Variants in KARS1 observed in about 807,000 individuals in gnomAD.
KARS1 encodes lysine--tRNA ligase.
Under a neutral mutation model 63.9 loss-of-function variants are expected in KARS1, and 50 were observed. That is an observed-to-expected ratio of 0.78 (90% CI 0.62 to 0.99). The LOEUF (loss-of-function observed/expected upper bound fraction) is 0.99, where lower values mean the gene tolerates loss of function less well. Among genes scored for constraint, KARS1 ranks in the 50% least tolerant of loss-of-function variants. The probability of loss-of-function intolerance (pLI) is 0.00; values close to 1 mark genes in which losing one functional copy is unlikely to be tolerated. For missense variants in KARS1, 816 were observed against 754.5 expected (o/e 1.08, Z -0.95); for synonymous variants, 320 against 264.6 (o/e 1.21, Z -2.03).
Position 75,647,600 on chromosome 16 carries a change from T to G in KARS1, c.40A>C (p.Ser14Arg), listed in dbSNP as rs1567507412. 5 of 1,613,316 alleles carry G rather than the reference T, an allele frequency of 3.1e-6. No individual in the cohort carries two copies. ...CACTTCTTGCTCAGTTTCGGCTCGC[T>G]GCCATCCACTTTCACCTCGGCCGCC... ...VQAAEVKVDG[S>R]EPKLSKNELK... The change falls in exon 1 of 14, where the codon AGC becomes CGC. Residue 14 changes from serine (S) to arginine (R), a missense_variant. Physicochemically the swap from Ser to Arg is moderately radical, Grantham distance 110 (BLOSUM62 -1). Coordinates refer to ENST00000302445, the MANE Select transcript of KARS1 (RefSeq NM_005548.3).
chr16:75,644,565 C>A, intron 1 of KARS1: 1 of 711,266 alleles, frequency 1.4e-6, no homozygotes, highest in South Asian at 2.2e-5. Flanking sequence ...CTTCTACTAC[C>A]TTTTAGTCCC....
chr16:75,640,036 G>A, intron 3 of KARS1, 148 bp downstream of exon 3: 1 of 712,520 alleles, frequency 1.4e-6, no homozygotes, highest in Non-Finnish European at 2.5e-6. Context: ...GCTTCTTTCT[G>A]TATAGATATA....
At chr16:75,642,818 A>C (rs1390991263) in intron 1 of KARS1, 1 of 152,226 alleles carries the variant, frequency 6.6e-6, no homozygotes, top group East Asian at 1.9e-4. Flanking sequence ...GACTTGGACG[A>C]GTGAATTAAC....
At chr16:75,629,173 G>A (rs1597162257) in intron 12 of KARS1, among the ~76,000 whole-genome samples, 1 of 152,168 alleles carries the variant, frequency 6.6e-6, no homozygotes, top group Admixed American at 6.5e-5. Flanking sequence ...TGCTTGGCAA[G>A]TGTATTTTCA....
rs1305862689 is a variant in KARS1, at chr16:75,628,566, T to G, written c.1695+3A>C. The G allele has an allele frequency of 6.2e-7, 1 of 1,613,606 alleles. No homozygotes were observed. The highest frequency in any genetic ancestry group is 2.2e-5 in the East Asian group (1 of 44,884). ...GTGTGCTCTGTGGAGGGTTGCTACG[T>G]ACCTTGATGTTGTTGGAGTCCGTGA... On this transcript the variant is annotated splice_donor_region_variant and intron_variant, in intron 13 of 13. Coordinates refer to ENST00000302445, the MANE Select transcript of KARS1 (RefSeq NM_005548.3).
intron 3 of KARS1, among the ~76,000 whole-genome samples, chr16:75,637,132 T>G (rs1028889676): frequency 6.6e-6 from 1 of 152,128 alleles, no homozygotes; most frequent in Non-Finnish European, 1.5e-5. Flanking sequence ...GGTAGCAGCA[T>G]AGTTTTTGGA....
At chr16:75,628,943 GA>G (rs1161624290) in intron 12 of KARS1, 3 of 574,042 alleles carry the variant, frequency 5.2e-6, no homozygotes, top group African/African-American at 3.8e-5. Context: ...AAATTTCTCT[GA>G]AAGAAAACCC....
In KARS1 at chr16:75,629,543, T is replaced by C; in HGVS notation, c.1425-2A>G. Reference sequence around the variant, plus strand: ...GTCAGACCCTCTTTAGAGCGGTGCCTAGGGACAGGAGACCAAAGAGGAGGC... The same window carrying C: ...GTCAGACCCTCTTTAGAGCGGTGCCCAGGGACAGGAGACCAAAGAGGAGGC... On this transcript the variant is annotated splice_acceptor_variant, in intron 11 of 13. Coordinates refer to ENST00000302445, the MANE Select transcript of KARS1 (RefSeq NM_005548.3). LOFTEE classifies it high-confidence loss of function. 1 of 1,614,040 alleles carries C rather than the reference T, an allele frequency of 6.2e-7. No individual in the cohort carries two copies. Among genetic ancestry groups the C allele is most frequent in the Non-Finnish European group, 8.5e-7 (1 of 1,179,930 alleles).
Position 75,628,613 on chromosome 16 carries a change from T to A in KARS1, c.1651A>T (p.Ile551Phe). 1 of 1,614,176 alleles carries A rather than the reference T, an allele frequency of 6.2e-7. No individual in the cohort carries two copies. ...LPPTAGWGMG[I>F]DRVAMFLTDS... ...GTGAGAAACATGGCGACTCGATCAA[T>A]GCCCATGCCCCAGCCAGCTGTGGGG... Residue 551 changes from isoleucine (I) to phenylalanine (F), a missense_variant, in exon 13 of 14, where the codon ATT becomes TTT. Physicochemically the swap from Ile to Phe is conservative, Grantham distance 21 (BLOSUM62 0). Coordinates refer to ENST00000302445, the MANE Select transcript of KARS1 (RefSeq NM_005548.3).
At position 75,643,417 on chromosome 16, in the gene KARS1, GC is replaced by G. The variant is rs1288385839; in HGVS notation, c.63-1695del. On this transcript the variant is annotated intron_variant, in intron 1 of 13. Transcript: ENST00000302445. Reference sequence around the variant, plus strand: ...TTTTGAGACAGAGTCTCGCTGTGTTGCCCAGGCTGGAGTGCAGTGGTGCGAT... The same window carrying G: ...TTTTGAGACAGAGTCTCGCTGTGTTGCCAGGCTGGAGTGCAGTGGTGCGAT... Among the ~76,000 whole-genome samples the G allele has an allele frequency of 6.3e-5, 9 of 142,790 alleles. No individual in the cohort carries two copies. The South Asian group carries it at 1.8e-3, about 28-fold the overall frequency. 93.7% of individuals were successfully genotyped at this position (142,790 alleles called of 152,430 possible).
intron 3 of KARS1, 124 bp downstream of exon 3, chr16:75,640,060 T>C: frequency 2.5e-6 from 2 of 803,202 alleles, no homozygotes; most frequent in South Asian, 2.7e-5. Context: ...GCACTGTCCT[T>C]AGTAAAGTAG....
At chr16:75,630,244 G>A (rs1375584275) in intron 11 of KARS1, among the ~76,000 whole-genome samples, 179 bp downstream of exon 11, 3 of 152,184 alleles carry the variant, frequency 2.0e-5, no homozygotes, top group African/African-American at 4.8e-5. Flanking sequence ...GAGTGACCAC[G>A]TGGAGGAGAA....
In KARS1 at chr16:75,631,742, GGCCAT is replaced by G. The variant is rs1397881324; in HGVS notation, c.1024_1028del (p.Met342LeufsTer43). 1 of 1,614,172 alleles carries G rather than the reference GGCCAT, an allele frequency of 6.2e-7. No homozygotes were observed. ...CCATGAGATCGTGATAGTCTGCATA[GGCCAT>G]GTAGAACTCACAGGTGGTGAACTCA... On this transcript the variant is annotated frameshift_variant, in exon 8 of 14. Transcript: ENST00000302445. LOFTEE classifies it high-confidence loss of function.
intron 1 of KARS1, among the ~76,000 whole-genome samples, chr16:75,646,907 T>C (rs2082291995): frequency 6.6e-6 from 1 of 152,108 alleles, no homozygotes; most frequent in Admixed American, 6.5e-5. Flanking sequence ...TGGGGAACGC[T>C]AATGAGAATA....
intron 3 of KARS1, among the ~76,000 whole-genome samples, chr16:75,639,220 A>G (rs911834545): frequency 3.7e-4 from 57 of 152,290 alleles, no homozygotes; most frequent in African/African-American, 1.3e-3. Context: ...CAGATGTGAA[A>G]AGATCTCAGA....
intron 7 of KARS1, among the ~76,000 whole-genome samples, chr16:75,633,036 C>G (rs1185871050): frequency 6.6e-6 from 1 of 152,236 alleles, no homozygotes; most frequent in African/African-American, 2.4e-5. Context: ...GGAGGTTGAC[C>G]AAAGATACTG....
At position 75,630,520 on chromosome 16, in the gene KARS1, A is replaced by G. The variant is rs762942995; in HGVS notation, c.1339-12T>C. 3.2e-6 allele frequency: 5 copies of G among 1,539,136 alleles called. No homozygotes were observed. The East Asian group carries it at 1.1e-4, about 35-fold the overall frequency. On this transcript the variant is annotated splice_polypyrimidine_tract_variant and intron_variant, in intron 10 of 13. Transcript: ENST00000302445. ...AACTCCCCAACAAGCTTAATGAGAA[A>G]GCAAAGCAGAGTCAGTCACCATTTC...
chr16:75,639,986 A>T (rs1326284852), intron 3 of KARS1, 198 bp downstream of exon 3: 6 of 603,922 alleles, frequency 9.9e-6, no homozygotes, highest in Non-Finnish European at 1.5e-5. Context: ...TTGTAGCACT[A>T]CCTCATCTGG....
Position 75,631,447 on chromosome 16 carries a change from C to A in KARS1, c.1221G>T (p.Lys407Asn). 1 of 1,614,190 alleles carries A rather than the reference C, an allele frequency of 6.2e-7. No individual in the cohort carries two copies. The highest frequency in any genetic ancestry group is 8.5e-7 in the Non-Finnish European group (1 of 1,180,032). Reference protein sequence around the residue: ...VEELEKALGMKLPETNLFETE... With the variant: ...VEELEKALGMNLPETNLFETE... ...TTTCAAAGAGGTTCGTTTCTGGCAG[C>A]TTCATCCCCAGGGCTTTCTCAAGCT... Residue 407 changes from lysine to asparagine, a missense_variant, in exon 9 of 14, where the codon AAG (lysine) becomes AAT (asparagine). Physicochemically the swap from Lys to Asn is moderately conservative, Grantham distance 94. Coordinates refer to ENST00000302445, the MANE Select transcript of KARS1 (RefSeq NM_005548.3).
Sources: allele counts gnomAD v4.1 joint callset (sites outside exome capture counted in the v4.1 genomes callset), GRCh38; gene constraint gnomAD v4.1.1; transcripts MANE v1.5; gene names NCBI Gene and HGNC (gene_info 2026-07-23, HGNC 2026-07-21).